PKD2L2: variants seen among roughly 807,000 people sequenced by gnomAD.
PKD2L2 encodes polycystin 2 like 2, transient receptor potential cation channel, also known as polycystin-2-like protein 2.
Under a neutral mutation model 83.9 loss-of-function variants are expected in PKD2L2, and 67 were observed. That is an observed-to-expected ratio of 0.80 (90% CI 0.66 to 0.98). The LOEUF (loss-of-function observed/expected upper bound fraction) is 0.98, where lower values mean the gene tolerates loss of function less well. PKD2L2 is among the 50% of genes least tolerant of loss of function. PKD2L2 has a pLI of 0.00. For synonymous variants in PKD2L2, 223 were observed against 237.8 expected, an observed-to-expected ratio of 0.94 and a Z score of 0.57; for missense variants, 632 against 717.2, an observed-to-expected ratio of 0.88 and a Z score of 1.36.
At chr5:137,907,062 G>C (rs1006377072) in intron 6 of PKD2L2, among the ~76,000 whole-genome samples, 1 of 152,128 alleles carries the variant, frequency 6.6e-6, no homozygotes, top group Non-Finnish European at 1.5e-5. Flanking sequence ...AATGTTTCTG[G>C]CTTATACAAT....
intron 8 of PKD2L2, among the ~76,000 whole-genome samples, chr5:137,913,425 A>G (rs1758033981): frequency 6.6e-6 from 1 of 150,748 alleles, no homozygotes; most frequent in East Asian, 2.0e-4. Flanking sequence ...GCCTCAAGCA[A>G]TCTCCAACCT....
At chr5:137,895,181 T>C (rs1756340728) in intron 4 of PKD2L2, among the ~76,000 whole-genome samples, 1 of 144,604 alleles carries the variant, frequency 6.9e-6, no homozygotes. Context: ...ATATTGAAAA[T>C]GTGAGGCTGG....
chr5:137,897,656 A>T (rs1429023853), intron 4 of PKD2L2, among the ~76,000 whole-genome samples: 1 of 152,236 alleles, frequency 6.6e-6, no homozygotes, highest in African/African-American at 2.4e-5. Flanking sequence ...AAAACAAAAA[A>T]TTGGAAGCTA....
chr5:137,904,368 G>GA (rs1042846371), intron 5 of PKD2L2, among the ~76,000 whole-genome samples: 3 of 152,020 alleles, frequency 2.0e-5, no homozygotes, highest in Admixed American at 1.3e-4. Flanking sequence ...GATTCTGTTA[G>GA]AAAAAAATGG....
rs563780997 is a variant in PKD2L2, at chr5:137,889,465, G to T, written c.-27G>T. 6 of 1,585,484 alleles carry T rather than the reference G, an allele frequency of 3.8e-6. No individual in the cohort carries two copies. The African/African-American group carries it at 4.2e-5, about 11-fold the overall frequency. On this transcript the variant is annotated 5_prime_UTR_variant, in exon 1 of 15. Coordinates refer to ENST00000508883, the MANE Select transcript of PKD2L2 (RefSeq NM_001300921.2). ...GCAAGCGCCGCGGCCTCAGGCGAAC[G>T]AACGGGCGGTGTAGTGCAGGTCCGC...
chr5:137,894,053 G>A (rs888332970), intron 3 of PKD2L2, among the ~76,000 whole-genome samples: 4 of 152,112 alleles, frequency 2.6e-5, no homozygotes, highest in Admixed American at 6.6e-5. Flanking sequence ...GCTATGACCA[G>A]CTCTGATACT....
At chr5:137,942,088 A>C in intron 14 of PKD2L2, 1 of 1,499,186 alleles carries the variant, frequency 6.7e-7, no homozygotes. Context: ...CACTTGATTC[A>C]TTATATTCTT....
intron 8 of PKD2L2, among the ~76,000 whole-genome samples, chr5:137,917,680 C>A (rs538645033): frequency 1.1e-4 from 16 of 151,880 alleles, no homozygotes; most frequent in African/African-American, 3.9e-4. Context: ...CTTATTTTAT[C>A]CATGTTTTCC....
chr5:137,892,357 T>C (rs897143012), intron 2 of PKD2L2, 123 bp from the exon 3 acceptor site: 2 of 442,742 alleles, frequency 4.5e-6, no homozygotes, highest in Admixed American at 8.8e-5. Flanking sequence ...TTTTAAATTA[T>C]TACTTTTATA....
intron 14 of PKD2L2, among the ~76,000 whole-genome samples, chr5:137,941,738 A>G (rs1761909287): frequency 6.6e-6 from 1 of 152,230 alleles, no homozygotes. Context: ...ATCCGAAAAT[A>G]GTTAATCAGA....
Position 137,906,422 on chromosome 5 carries a change from G to A in PKD2L2, c.963G>A (p.Leu321=). Residue 321 remains leucine, a synonymous_variant, in exon 6 of 15, where the codon TTG becomes TTA. Transcript: ENST00000508883. ...YFKSIWNWLE[L]LLLLLCFVAV... ...AAAGTATTTGGAACTGGCTAGAATTGCTACTTTTGCTGGTGAGTATATATT... is the reference window on the plus strand; with the variant it reads ...AAAGTATTTGGAACTGGCTAGAATTACTACTTTTGCTGGTGAGTATATATT... 1 of 1,579,716 alleles carries A rather than the reference G, an allele frequency of 6.3e-7. No homozygotes were observed. Among genetic ancestry groups the A allele is most frequent in the Non-Finnish European group, 8.7e-7 (1 of 1,151,674 alleles).
chr5:137,928,351 A>G (rs1280400009), intron 12 of PKD2L2, among the ~76,000 whole-genome samples: 3 of 149,558 alleles, frequency 2.0e-5, no homozygotes, highest in African/African-American at 5.0e-5. Flanking sequence ...CAGCCTGGAC[A>G]ACATGGTGAA....
At chr5:137,918,643 G>C (rs1758596235) in intron 8 of PKD2L2, among the ~76,000 whole-genome samples, 1 of 152,164 alleles carries the variant, frequency 6.6e-6, no homozygotes, top group Non-Finnish European at 1.5e-5. Flanking sequence ...GGGATGCATA[G>C]CTATTGAGAT....
At chr5:137,908,050 C>T (rs1007036333) in intron 7 of PKD2L2, 138 bp downstream of exon 7, 16 of 449,376 alleles carry the variant, frequency 3.6e-5, no homozygotes, top group Admixed American at 8.0e-5. Flanking sequence ...CACAGTGGCT[C>T]ATACCTGTAC....
At chr5:137,929,582 AAAATAT>A (rs1277773439) in intron 12 of PKD2L2, among the ~76,000 whole-genome samples, 8 of 135,870 alleles carry the variant, frequency 5.9e-5, no homozygotes, top group Non-Finnish European at 9.7e-5. Context: ...TAAAAGACTT[AAAATAT>A]AAATATAAAA....
At chr5:137,937,576 C>T (rs1350041564) in intron 14 of PKD2L2, among the ~76,000 whole-genome samples, 1 of 152,204 alleles carries the variant, frequency 6.6e-6, no homozygotes, top group Non-Finnish European at 1.5e-5. Flanking sequence ...ACTCAACTTC[C>T]ACATTGATGC....
At chr5:137,932,507 A>G (rs1377615840) in intron 12 of PKD2L2, among the ~76,000 whole-genome samples, 1 of 152,208 alleles carries the variant, frequency 6.6e-6, no homozygotes, top group Non-Finnish European at 1.5e-5. Context: ...GACAGAAAAA[A>G]GTGAAATGAT....
At position 137,925,925 on chromosome 5, in the gene PKD2L2, A is replaced by T. The variant is rs1759342335; in HGVS notation, c.1667A>T (p.Glu556Val). The T allele has an allele frequency of 6.3e-7, 1 of 1,584,012 alleles. No individual in the cohort carries two copies. The highest frequency in any genetic ancestry group is 8.7e-7 in the Non-Finnish European group (1 of 1,155,380). The change falls in exon 12 of 15, where the codon GAA (glutamate) becomes GTA (valine). Residue 556 changes from glutamate (E) to valine (V), a missense_variant. Around this residue, in one of 3 missense-constraint regions of PKD2L2, gnomAD observed 399 missense variants for 416.9 expected, o/e 0.96. Coordinates refer to ENST00000508883, the MANE Select transcript of PKD2L2 (RefSeq NM_001300921.2). ...AEQARREGFD[E>V]NEIQNAEQMK... Reference sequence around the variant, plus strand: ...CAAGCCAGAAGAGAAGGCTTTGACGAAAATGTAAGATTTTAATTTTTTTCA... The same window carrying T: ...CAAGCCAGAAGAGAAGGCTTTGACGTAAATGTAAGATTTTAATTTTTTTCA...
At position 137,894,544 on chromosome 5, in the gene PKD2L2, A is replaced by C; in HGVS notation, c.459A>C (p.Glu153Asp). 1 of 1,613,468 alleles carries C rather than the reference A, an allele frequency of 6.2e-7. No individual in the cohort carries two copies. The highest frequency in any genetic ancestry group is 8.5e-7 in the Non-Finnish European group (1 of 1,179,418). ...CATCTTTTCAGTCTTTGATGAGTGA[A>C]TGTTATGGCAAATATACTTCTGCAA... is the stretch of plus-strand genomic sequence containing the variant. The part of the protein sequence containing the change: ...VYSSFQSLMS[E>D]CYGKYTSANE... The change falls in exon 4 of 15, where the codon GAA (glutamate) becomes GAC (aspartate). Residue 153 changes from glutamate to aspartate, a missense_variant. This residue lies in a region of PKD2L2 where 229 missense variants were observed against 281.5 expected (regional missense o/e 0.81). Coordinates refer to ENST00000508883, the MANE Select transcript of PKD2L2 (RefSeq NM_001300921.2).
Sources: gnomAD v4.1 joint callset for allele counts (sites outside exome capture counted in the v4.1 genomes callset) on GRCh38, gnomAD v4.1.1 for gene constraint, gnomAD v4.1.1 regional missense constraint, MANE v1.5 for transcripts, NCBI Gene and HGNC (gene_info 2026-07-23, HGNC 2026-07-21) for gene names.